Variants in EPHB1 observed in about 807,000 individuals in gnomAD.
The protein encoded by EPHB1 is ephrin type-B receptor 1.
EPHB1 carries 30 observed loss-of-function variants against 94.4 expected under a neutral mutation model. The ratio of observed to expected loss-of-function variants is 0.32; its 90% CI spans 0.24 to 0.43. The LOEUF is 0.43. Among genes scored for constraint, EPHB1 ranks in the 20% least tolerant of loss-of-function variants. The pLI is 1.00. For synonymous variants in EPHB1, 522 were observed against 489.1 expected, an observed-to-expected ratio of 1.07 and a Z score of -0.89; for missense variants, 1,055 against 1,308.3, an observed-to-expected ratio of 0.81 and a Z score of 2.99.
intron 9 of EPHB1, among the ~76,000 whole-genome samples, chr3:135,179,441 C>T (rs1405958257): frequency 6.6e-6 from 1 of 152,154 alleles, no homozygotes; most frequent in Non-Finnish European, 1.5e-5. Context: ...TTAACAGTGG[C>T]CTCCACTCAG....
At chr3:135,190,292 G>T (rs994452256) in intron 10 of EPHB1, among the ~76,000 whole-genome samples, 1 of 152,154 alleles carries the variant, frequency 6.6e-6, no homozygotes, top group African/African-American at 2.4e-5. Context: ...TTTGTGTGCT[G>T]TCTCCTCCAC....
At chr3:134,895,241 G>C (rs140571681) in intron 1 of EPHB1, among the ~76,000 whole-genome samples, 1 of 115,342 alleles carries the variant, frequency 8.7e-6, no homozygotes, top group African/African-American at 3.3e-5. Context: ...GGCCCCAGCA[G>C]TTGACACCCA....
At chr3:135,163,301 G>A (rs1256202172) in intron 7 of EPHB1, among the ~76,000 whole-genome samples, 1 of 152,202 alleles carries the variant, frequency 6.6e-6, no homozygotes, top group African/African-American at 2.4e-5. Flanking sequence ...GCACTCTGGA[G>A]TGAGGACCTT....
intron 3 of EPHB1, among the ~76,000 whole-genome samples, chr3:134,963,087 TC>T (rs537694294): frequency 6.6e-6 from 1 of 151,932 alleles, no homozygotes; most frequent in Admixed American, 6.6e-5. Flanking sequence ...TACCTCAGTT[TC>T]CCTTTCCCCT....
intron 4 of EPHB1, among the ~76,000 whole-genome samples, chr3:135,123,111 C>A (rs1352651942): frequency 6.6e-6 from 1 of 152,140 alleles, no homozygotes; most frequent in Non-Finnish European, 1.5e-5. Flanking sequence ...GTGCCTCTAC[C>A]CCAGGTGGAA....
intron 3 of EPHB1, among the ~76,000 whole-genome samples, chr3:134,957,304 G>T (rs1050124869): frequency 6.6e-6 from 1 of 152,214 alleles, no homozygotes; most frequent in South Asian, 2.1e-4. Context: ...CCAGGACCAT[G>T]TATGTGACTG....
intron 1 of EPHB1, among the ~76,000 whole-genome samples, chr3:134,833,910 C>G (rs1468397381): frequency 6.6e-6 from 1 of 152,158 alleles, no homozygotes; most frequent in Non-Finnish European, 1.5e-5. Context: ...GAGGAATAAG[C>G]AGAGATAGTT....
At chr3:135,170,540 G>A (rs1055143858) in intron 9 of EPHB1, among the ~76,000 whole-genome samples, 5 of 152,136 alleles carry the variant, frequency 3.3e-5, no homozygotes, top group African/African-American at 1.2e-4. Flanking sequence ...AGTCCTGGAA[G>A]AGGCAGAGAA....
intron 12 of EPHB1, among the ~76,000 whole-genome samples, chr3:135,222,645 A>G (rs1430215903): frequency 6.6e-6 from 1 of 152,204 alleles, no homozygotes; most frequent in Non-Finnish European, 1.5e-5. Flanking sequence ...ACATGAGGAA[A>G]TGGAACACAT....
chr3:135,141,145 C>CTTT (rs59743607), intron 5 of EPHB1, among the ~76,000 whole-genome samples: 36 of 131,296 alleles, frequency 2.7e-4, no homozygotes, highest in Admixed American at 1.3e-3. Flanking sequence ...CTTTCCTTTC[C>CTTT]TTTTTTTTTT....
At chr3:134,971,809 G>A (rs963014419) in intron 3 of EPHB1, among the ~76,000 whole-genome samples, 3 of 152,162 alleles carry the variant, frequency 2.0e-5, no homozygotes, top group African/African-American at 7.2e-5. Context: ...TCTCAGAAAA[G>A]CAAACTCATG....
intron 12 of EPHB1, among the ~76,000 whole-genome samples, chr3:135,240,408 A>G (rs2107727715): frequency 6.6e-6 from 1 of 152,272 alleles, no homozygotes; most frequent in Non-Finnish European, 1.5e-5. Context: ...CAGAGAGCCA[A>G]TTTAGAAACT....
intron 1 of EPHB1, among the ~76,000 whole-genome samples, chr3:134,902,698 A>G (rs771939645): frequency 2.0e-5 from 3 of 152,056 alleles, no homozygotes; most frequent in Non-Finnish European, 2.9e-5. Flanking sequence ...ATTATTTGAT[A>G]TTTTTGCCAA....
intron 3 of EPHB1, among the ~76,000 whole-genome samples, chr3:135,058,807 C>A (rs545201714): frequency 1.3e-3 from 201 of 152,274 alleles, no homozygotes; most frequent in Non-Finnish European, 2.5e-3. Flanking sequence ...TACAGATGAG[C>A]GGCTTGTAGG....
Position 135,127,150 on chromosome 3 carries a change from G to A in EPHB1, c.962-5564G>A, listed in dbSNP as rs138525279. On this transcript the variant is annotated intron_variant, in intron 4 of 15. Coordinates refer to ENST00000398015, the MANE Select transcript of EPHB1 (RefSeq NM_004441.5). ...TCAAGGTCAACCAACTAGAGAATAT[G>A]TTTTAACTTGGTTACTGTGAACACT... is the stretch of plus-strand genomic sequence containing the variant. Among the ~76,000 whole-genome samples the A allele has an allele frequency of 1.1e-3, 164 of 152,334 alleles. 2 individuals are homozygous for A. Among genetic ancestry groups the A allele is most frequent in the African/African-American group, 3.4e-3 (142 of 41,584 alleles).
chr3:135,217,867 G>A (rs1474744036), intron 12 of EPHB1, among the ~76,000 whole-genome samples: 2 of 152,106 alleles, frequency 1.3e-5, no homozygotes, highest in Admixed American at 6.5e-5. Context: ...CAGTCGGGTC[G>A]ATCCATCTGC....
chr3:135,104,454 G>A (rs968029096), intron 3 of EPHB1, among the ~76,000 whole-genome samples: 1 of 152,038 alleles, frequency 6.6e-6, no homozygotes, highest in Non-Finnish European at 1.5e-5. Context: ...CTACAGAGAA[G>A]TTTCTTCTGA....
intron 4 of EPHB1, among the ~76,000 whole-genome samples, chr3:135,114,300 C>G (rs753971023): frequency 6.6e-5 from 10 of 152,192 alleles, no homozygotes; most frequent in Non-Finnish European, 1.0e-4. Flanking sequence ...TACTACTGAA[C>G]AGTGATGTGG....
At chr3:135,231,199 G>T (rs559432981) in intron 12 of EPHB1, among the ~76,000 whole-genome samples, 2 of 152,166 alleles carry the variant, frequency 1.3e-5, no homozygotes, top group Non-Finnish European at 2.9e-5. Context: ...TTTAGCCCTT[G>T]TCTCTCCATC....
Sources: gnomAD v4.1 joint callset for allele counts (sites outside exome capture counted in the v4.1 genomes callset) on GRCh38, gnomAD v4.1.1 for gene constraint, MANE v1.5 for transcripts, NCBI Gene and HGNC (gene_info 2026-07-23, HGNC 2026-07-21) for gene names.